SKAP2: variants seen among roughly 807,000 people sequenced by gnomAD.
The protein encoded by SKAP2 is src kinase associated phosphoprotein 2, also known as src kinase-associated phosphoprotein 2.
SKAP2 carries 28 observed loss-of-function variants against 54.9 expected under a neutral mutation model. The observed-to-expected ratio is 0.51, with a 90% CI of 0.38 to 0.70. The LOEUF (loss-of-function observed/expected upper bound fraction) is 0.70, where lower values mean the gene tolerates loss of function less well. SKAP2 is among the 30% of genes least tolerant of loss of function. The pLI is 0.00. For synonymous variants in SKAP2, 137 were observed against 134.3 expected (o/e 1.02, Z -0.14); for missense variants, 356 against 424.1 (o/e 0.84, Z 1.41).
intron 7 of SKAP2, 62 bp from the exon 8 acceptor site, chr7:26,726,048 T>A: frequency 9.8e-7 from 1 of 1,025,152 alleles, no homozygotes; most frequent in Middle Eastern, 2.4e-4. Context: ...GTATGTTGTA[T>A]TCTTACCATT....
At chr7:26,709,703 T>C (rs1031399275) in intron 9 of SKAP2, among the ~76,000 whole-genome samples, 1 of 152,120 alleles carries the variant, frequency 6.6e-6, no homozygotes, top group African/African-American at 2.4e-5. Flanking sequence ...CTAACTATGA[T>C]CCTGTGCTCT....
At chr7:26,722,962 T>G (rs1282354837) in intron 9 of SKAP2, among the ~76,000 whole-genome samples, 1 of 152,242 alleles carries the variant, frequency 6.6e-6, no homozygotes. Flanking sequence ...GAAATTGTAG[T>G]ATTATTTAAT....
In SKAP2 at chr7:26,667,981, A is replaced by G. The variant is rs1453198476; in HGVS notation, c.*1685T>C. ...AAAAGGTAAGAACTGCACAAATGTA[A>G]CTTCTGAAAACTTTAACTTCACAAT... On this transcript the variant is annotated 3_prime_UTR_variant, in exon 13 of 13. Coordinates refer to ENST00000345317, the MANE Select transcript of SKAP2 (RefSeq NM_003930.5). 1 of 152,162 alleles carries G rather than the reference A, an allele frequency of 6.6e-6. No homozygotes were observed. Among genetic ancestry groups the G allele is most frequent in the Non-Finnish European group, 1.5e-5 (1 of 68,020 alleles). The allele number at this position is 152,162 out of a possible 1,614,324, so 9.4% of individuals were successfully genotyped here.
chr7:26,694,830 T>C (rs938348186), intron 9 of SKAP2, among the ~76,000 whole-genome samples: 30 of 152,150 alleles, frequency 2.0e-4, no homozygotes, highest in African/African-American at 7.2e-4. Flanking sequence ...TCCCCCTTTT[T>C]AATCTATTTA....
downstream of SKAP2, among the ~76,000 whole-genome samples, chr7:26,662,510 C>T (rs1786028952): frequency 6.6e-6 from 1 of 152,054 alleles, no homozygotes; most frequent in Admixed American, 6.6e-5. Context: ...TGTGTTTATG[C>T]CCTATCTTAT....
chr7:26,856,195 A>T (rs531920716), intron 1 of SKAP2, among the ~76,000 whole-genome samples: 1 of 94,016 alleles, frequency 1.1e-5, no homozygotes, highest in African/African-American at 3.6e-5. Context: ...TAATAATTTA[A>T]AAAAAATAGC....
intron 4 of SKAP2, among the ~76,000 whole-genome samples, chr7:26,789,885 T>C (rs1428991000): frequency 6.6e-6 from 1 of 152,208 alleles, no homozygotes; most frequent in African/African-American, 2.4e-5. Context: ...ATATGGTTGC[T>C]CTGTGACCAA....
the SKAP2 span, among the ~76,000 whole-genome samples, chr7:26,660,692 T>C: frequency 6.6e-6 from 1 of 152,042 alleles, no homozygotes; most frequent in African/African-American, 2.4e-5. Context: ...TATAAACACA[T>C]TATAAAAGTA....
chr7:26,737,762 C>T (rs1787973901), intron 6 of SKAP2, among the ~76,000 whole-genome samples: 1 of 152,126 alleles, frequency 6.6e-6, no homozygotes. Flanking sequence ...ACTCAGAAAG[C>T]TTACAATCTT....
intron 11 of SKAP2, among the ~76,000 whole-genome samples, chr7:26,683,516 G>A (rs1015919653): frequency 2.2e-4 from 33 of 149,550 alleles, no homozygotes; most frequent in African/African-American, 8.1e-4. Flanking sequence ...CACACTGCAG[G>A]TGCTTTATGA....
intron 6 of SKAP2, among the ~76,000 whole-genome samples, chr7:26,728,432 G>A (rs1030342402): frequency 7.2e-5 from 11 of 152,036 alleles, no homozygotes; most frequent in East Asian, 5.8e-4. Context: ...ATTTGTCCGC[G>A]GAATCATTTT....
At chr7:26,762,185 C>G (rs1782947579) in intron 4 of SKAP2, among the ~76,000 whole-genome samples, 1 of 151,972 alleles carries the variant, frequency 6.6e-6, no homozygotes, top group Non-Finnish European at 1.5e-5. Context: ...AGGAGGACTG[C>G]TTGAGCCTAG....
intron 1 of SKAP2, among the ~76,000 whole-genome samples, chr7:26,858,553 C>T (rs1785220914): frequency 2.0e-5 from 3 of 152,070 alleles, no homozygotes; most frequent in Admixed American, 2.0e-4. Flanking sequence ...GCCATGGAGA[C>T]CCCTAAGAGG....
At chr7:26,660,995 T>C in the SKAP2 span, among the ~76,000 whole-genome samples, 11 of 152,102 alleles carry the variant, frequency 7.2e-5, no homozygotes. Context: ...GCATAACAAA[T>C]ATACTTAATA....
chr7:26,727,650 TGAAC>T (rs1787736783), intron 6 of SKAP2, among the ~76,000 whole-genome samples: 5 of 152,204 alleles, frequency 3.3e-5, no homozygotes, highest in African/African-American at 9.6e-5. Context: ...ATCCAGTCAG[TGAAC>T]AGTTAAACTA....
intron 4 of SKAP2, among the ~76,000 whole-genome samples, chr7:26,789,788 C>T (rs1419263129): frequency 6.6e-6 from 1 of 152,112 alleles, no homozygotes; most frequent in Non-Finnish European, 1.5e-5. Context: ...AAAGTTGACT[C>T]ATTTTATAAA....
intron 4 of SKAP2, among the ~76,000 whole-genome samples, chr7:26,780,841 C>A (rs949885550): frequency 4.6e-5 from 7 of 152,044 alleles, no homozygotes; most frequent in Non-Finnish European, 1.0e-4. Context: ...TGGGCCCAAT[C>A]TTTTCCCTAA....
chr7:26,662,394 T>TA (rs1175682283), downstream of SKAP2, among the ~76,000 whole-genome samples: 3 of 152,112 alleles, frequency 2.0e-5, no homozygotes, highest in Admixed American at 6.6e-5. Context: ...AAGGTTCAGA[T>TA]ATCACAAAAT....
At chr7:26,815,251 A>G (rs3801830) in intron 4 of SKAP2, among the ~76,000 whole-genome samples, 32,277 of 152,064 alleles carry the variant, frequency 0.21, 3,510 homozygotes, top group Non-Finnish European at 0.24. Flanking sequence ...TTAAAAACAC[A>G]TACAGGTTTG....
Sources: gnomAD v4.1 joint callset for allele counts (sites outside exome capture counted in the v4.1 genomes callset) on GRCh38, gnomAD v4.1.1 for gene constraint, MANE v1.5 for transcripts, NCBI Gene and HGNC (gene_info 2026-07-23, HGNC 2026-07-21) for gene names.